EPHA5: variants seen among roughly 807,000 people sequenced by gnomAD.
EPHA5 encodes the protein EPH receptor A5, also known as ephrin type-A receptor 5.
In EPHA5, 60 loss-of-function variants were observed where a neutral mutation model predicts 105.0. The ratio of observed to expected loss-of-function variants is 0.57; its 90% confidence interval spans 0.46 to 0.71. EPHA5 has a LOEUF of 0.71. Among genes scored for constraint, EPHA5 ranks in the 30% least tolerant of loss-of-function variants. The pLI is 0.00. For synonymous variants in EPHA5, 513 were observed against 449.1 expected (o/e 1.14, Z -1.80); for missense variants, 1,218 against 1,274.7 (o/e 0.96, Z 0.68).
chr4:65,477,266 A>T (rs1729912454), intron 5 of EPHA5, among the ~76,000 whole-genome samples: 1 of 152,202 alleles, frequency 6.6e-6, no homozygotes, highest in African/African-American at 2.4e-5. Flanking sequence ...AATAGATTTT[A>T]GGTAGAGAAA....
intron 3 of EPHA5, among the ~76,000 whole-genome samples, chr4:65,565,243 T>C (rs1739415210): frequency 6.6e-6 from 1 of 151,680 alleles, no homozygotes; most frequent in Non-Finnish European, 1.5e-5. Context: ...TGGATCAGAG[T>C]TAATAGACCT....
chr4:65,550,378 A>G (rs1188614438), intron 3 of EPHA5, among the ~76,000 whole-genome samples: 1 of 152,156 alleles, frequency 6.6e-6, no homozygotes, highest in African/African-American at 2.4e-5. Context: ...GTTAAAATGA[A>G]TATTTTATTT....
chr4:65,596,300 A>G (rs939191674), intron 3 of EPHA5, among the ~76,000 whole-genome samples: 6 of 152,134 alleles, frequency 3.9e-5, no homozygotes, highest in African/African-American at 1.4e-4. Context: ...CACATTTTTG[A>G]CTGTGAAAAT....
At chr4:65,471,908 T>C (rs1195294659) in intron 5 of EPHA5, among the ~76,000 whole-genome samples, 1 of 152,134 alleles carries the variant, frequency 6.6e-6, no homozygotes, top group Non-Finnish European at 1.5e-5. Context: ...TGTCCTCACT[T>C]TTCAAAACAC....
chr4:65,580,880 C>T (rs1741550819), intron 3 of EPHA5, among the ~76,000 whole-genome samples: 1 of 151,212 alleles, frequency 6.6e-6, no homozygotes, highest in Non-Finnish European at 1.5e-5. Context: ...ATTTAAAAGA[C>T]TAGCAATGGG....
At chr4:65,567,415 G>T (rs1017264757) in intron 3 of EPHA5, among the ~76,000 whole-genome samples, 1 of 151,452 alleles carries the variant, frequency 6.6e-6, no homozygotes, top group African/African-American at 2.4e-5. Context: ...GTGACATATT[G>T]GTGTATGTAA....
chr4:65,340,975 C>T (rs181649070), intron 14 of EPHA5, among the ~76,000 whole-genome samples: 5 of 152,198 alleles, frequency 3.3e-5, no homozygotes, highest in Admixed American at 2.0e-4. Flanking sequence ...AGCTTGCAAC[C>T]AATCATCCTT....
chr4:65,413,062 T>C (rs2149014602), intron 7 of EPHA5, among the ~76,000 whole-genome samples: 1 of 152,284 alleles, frequency 6.6e-6, no homozygotes, highest in East Asian at 1.9e-4. Flanking sequence ...TTATATAGCA[T>C]ACCTTTTTTC....
intron 3 of EPHA5, among the ~76,000 whole-genome samples, chr4:65,518,942 G>A (rs931046268): frequency 5.3e-5 from 8 of 151,956 alleles, no homozygotes; most frequent in East Asian, 1.9e-4. Flanking sequence ...AGAAAAAGAG[G>A]GAATCCTCCC....
chr4:65,468,312 A>C (rs1728915326), intron 5 of EPHA5, among the ~76,000 whole-genome samples: 1 of 151,910 alleles, frequency 6.6e-6, no homozygotes, highest in Admixed American at 6.6e-5. Context: ...CATATCACAT[A>C]GCCAAGCATG....
At chr4:65,527,763 G>A (rs1416700279) in intron 3 of EPHA5, among the ~76,000 whole-genome samples, 87 of 152,048 alleles carry the variant, frequency 5.7e-4, no homozygotes, top group East Asian at 1.9e-4. Context: ...GTCATGGAGG[G>A]CTATCGTACA....
intron 3 of EPHA5, among the ~76,000 whole-genome samples, chr4:65,515,621 T>C (rs1734036975): frequency 6.6e-6 from 1 of 152,202 alleles, no homozygotes; most frequent in South Asian, 2.1e-4. Flanking sequence ...TTTTATCTTC[T>C]AATAACTTGC....
At chr4:65,531,723 C>G (rs574845320) in intron 3 of EPHA5, among the ~76,000 whole-genome samples, 1 of 149,990 alleles carries the variant, frequency 6.7e-6, no homozygotes, top group African/African-American at 2.5e-5. Context: ...GGAATCTGAT[C>G]ATAAAGAGGA....
At position 65,643,539 on chromosome 4, in the gene EPHA5, T is replaced by C. The variant is rs973120913; in HGVS notation, c.182-112A>G. ...TGTTGTTTACATAACTGAAATTAAG[T>C]GTTCATTATGATGAATACAATGGGT... On this transcript the variant is annotated intron_variant, in intron 1 of 16. Coordinates refer to ENST00000613740, the MANE Select transcript of EPHA5 (RefSeq NM_001281766.3). The C allele has an allele frequency of 8.5e-5, 69 of 808,886 alleles. No homozygotes were observed. In the African/African-American group the frequency reaches 1.0e-3, roughly 12 times the overall value. The allele number at this position is 808,886 out of a possible 1,614,324, so 50.1% of individuals were successfully genotyped here.
intron 1 of EPHA5, among the ~76,000 whole-genome samples, chr4:65,649,095 T>C (rs1021789359): frequency 1.3e-5 from 2 of 152,182 alleles, no homozygotes; most frequent in African/African-American, 2.4e-5. Context: ...TATTTTACAA[T>C]TCTGAGCAAT....
intron 1 of EPHA5, among the ~76,000 whole-genome samples, chr4:65,647,990 A>C (rs1302098023): frequency 6.6e-6 from 1 of 152,204 alleles, no homozygotes; most frequent in Non-Finnish European, 1.5e-5. Context: ...AAACTAATTC[A>C]AAATAGTCTT....
chr4:65,391,181 T>C (rs1055486073), intron 8 of EPHA5, among the ~76,000 whole-genome samples: 1 of 152,050 alleles, frequency 6.6e-6, no homozygotes, highest in Non-Finnish European at 1.5e-5. Flanking sequence ...TGGTCTCTCC[T>C]TTGACATGAG....
At chr4:65,606,921 G>T (rs1236147990) in intron 2 of EPHA5, among the ~76,000 whole-genome samples, 1 of 152,098 alleles carries the variant, frequency 6.6e-6, no homozygotes, top group Admixed American at 6.6e-5. Flanking sequence ...AACTTTCTAG[G>T]AAGACCTTGT....
chr4:65,343,881 A>G (rs1721968173), intron 14 of EPHA5, among the ~76,000 whole-genome samples: 1 of 152,096 alleles, frequency 6.6e-6, no homozygotes. Flanking sequence ...AAACTTCCTG[A>G]AAGGTTACAT....
Sources: gnomAD v4.1 joint callset for allele counts (sites outside exome capture counted in the v4.1 genomes callset) on GRCh38, gnomAD v4.1.1 for gene constraint, MANE v1.5 for transcripts, NCBI Gene and HGNC (gene_info 2026-07-23, HGNC 2026-07-21) for gene names.